WDR25: variants seen among roughly 807,000 people sequenced by gnomAD.
WDR25 encodes the protein WD repeat domain 25, also known as WD repeat-containing protein 25.
A neutral mutation model predicts 47.7 loss-of-function variants in WDR25; 35 were observed. That is an observed-to-expected ratio of 0.73 (90% CI 0.56 to 0.97). The LOEUF is 0.97. Ranked by LOEUF, WDR25 falls within the 50% of genes least tolerant of loss-of-function variation. The pLI is 0.00. For synonymous variants in WDR25, 248 were observed against 278.9 expected (o/e 0.89, Z 1.10); for missense variants, 634 against 704.7 (o/e 0.90, Z 1.14).
chr14:100,520,062 G>A (rs916406623), intron 4 of WDR25, among the ~76,000 whole-genome samples: 10 of 119,972 alleles, frequency 8.3e-5, no homozygotes, highest in Admixed American at 1.8e-4. Context: ...ATGTACATAT[G>A]TGTGTGTGTG....
In WDR25 at chr14:100,529,762, C is replaced by A; in HGVS notation, c.1414-58C>A. The A allele has an allele frequency of 6.4e-7, 1 of 1,553,484 alleles. No homozygotes were observed. Among genetic ancestry groups the A allele is most frequent in the Non-Finnish European group, 8.7e-7 (1 of 1,143,850 alleles). ...TCAGCCTGCTCCTCTGTAGAATGGG[C>A]ATACTCACCCCGGCTTGACAGGTGC... is the stretch of plus-strand genomic sequence containing the variant. On this transcript the variant is annotated intron_variant, in intron 6 of 6. Transcript: ENST00000402312. The surrounding 1 kb of genome is among the most constrained non-coding windows in gnomAD (Gnocchi z 5.1).
chr14:100,477,801 C>G (rs1393866931), intron 3 of WDR25, among the ~76,000 whole-genome samples: 1 of 152,188 alleles, frequency 6.6e-6, no homozygotes, highest in Non-Finnish European at 1.5e-5. Flanking sequence ...ATTTAAAAAC[C>G]TGTATCCCAG....
chr14:100,381,860 G>T, intron 2 of WDR25, 114 bp downstream of exon 2: 1 of 877,414 alleles, frequency 1.1e-6, no homozygotes, highest in Non-Finnish European at 1.7e-6. Context: ...GCAGATTTCT[G>T]TAATTCCCTT....
At chr14:100,481,103 CAAAAAAAAAAAAA>C (rs71113268) in intron 3 of WDR25, 24 of 248,194 alleles carry the variant, frequency 9.7e-5, no homozygotes, top group East Asian at 2.5e-4. Flanking sequence ...CAAAAAAGTG[CAAAAAAAAAAAAA>C]AAAAAAAAAA....
rs185116110 is a variant in WDR25 at position 100,428,470 on chromosome 14, C to T, written c.823-39551C>T. ...AGCCTTTCTGGGCCTCAGCGTCCTC[C>T]TCTGTGGATGGGGGACAGTGCCTGA... On this transcript the variant is annotated intron_variant, in intron 2 of 6. Coordinates refer to ENST00000402312, the MANE Select transcript of WDR25 (RefSeq NM_001161476.3). The surrounding 1 kb of genome is among the most constrained non-coding windows in gnomAD (Gnocchi z 4.3). 1.5e-3 allele frequency among the ~76,000 whole-genome samples: 224 copies of T among 152,306 alleles called. No homozygotes were observed. Among genetic ancestry groups the T allele is most frequent in the African/African-American group, 5.3e-3 (219 of 41,574 alleles).
intron 5 of WDR25, among the ~76,000 whole-genome samples, chr14:100,526,304 T>A (rs894336720): frequency 2.0e-5 from 3 of 152,092 alleles, no homozygotes; most frequent in Admixed American, 2.0e-4. Context: ...TCAGTCCAGA[T>A]CAATGGGGAA....
rs1016316910 is a variant in WDR25, at chr14:100,424,395, C to T, written c.822+42649C>T. The stretch of plus-strand genomic sequence containing the variant: ...ATCAGCACCTGTTATCCTAATTAAA[C>T]CTCAGACCTTGTTTGCATGTTAAGA... On this transcript the variant is annotated intron_variant, in intron 2 of 6. Coordinates refer to ENST00000402312, the MANE Select transcript of WDR25 (RefSeq NM_001161476.3). This position sits in a 1 kb window ranked among gnomAD's most constrained non-coding sequence, Gnocchi z 4.2. Among the ~76,000 whole-genome samples the T allele has an allele frequency of 3.3e-5, 5 of 152,242 alleles. No individual in the cohort carries two copies. The highest frequency in any genetic ancestry group is 5.9e-5 in the Non-Finnish European group (4 of 68,046).
At chr14:100,446,975 A>G (rs1898856523) in intron 2 of WDR25, among the ~76,000 whole-genome samples, 1 of 152,234 alleles carries the variant, frequency 6.6e-6, no homozygotes, top group Non-Finnish European at 1.5e-5. Flanking sequence ...ATCCCATCAC[A>G]TGATTCTTCT....
chr14:100,508,303 C>T (rs1036511112), intron 4 of WDR25, among the ~76,000 whole-genome samples: 9 of 152,102 alleles, frequency 5.9e-5, no homozygotes, highest in African/African-American at 1.9e-4. Flanking sequence ...TATGACAAAC[C>T]CACAGCCAAC....
intron 1 of WDR25, among the ~76,000 whole-genome samples, chr14:100,378,242 T>C (rs1031767618): frequency 4.6e-5 from 7 of 152,038 alleles, no homozygotes; most frequent in Non-Finnish European, 1.0e-4. Flanking sequence ...CGATCTTGGC[T>C]CACTGCAACC....
chr14:100,526,233 C>T (rs947633758), intron 5 of WDR25, among the ~76,000 whole-genome samples, 193 bp downstream of exon 5: 1 of 152,182 alleles, frequency 6.6e-6, no homozygotes, highest in African/African-American at 2.4e-5. Flanking sequence ...ATGCAACCTC[C>T]TTCTGCTCTT....
chr14:100,378,733 C>T (rs1178568661), intron 1 of WDR25, among the ~76,000 whole-genome samples: 3 of 25,378 alleles, frequency 1.2e-4, no homozygotes, highest in Non-Finnish European at 4.5e-4. Flanking sequence ...CCGAGGCGGG[C>T]GGATCACGAG....
chr14:100,386,621 C>T (rs528138299), intron 2 of WDR25, among the ~76,000 whole-genome samples: 9 of 152,194 alleles, frequency 5.9e-5, no homozygotes, highest in East Asian at 1.9e-4. Context: ...AGGCCAGGCG[C>T]GGTGGCTCAT....
rs117666467 is a variant in WDR25 at position 100,416,900 on chromosome 14, C to T, written c.822+35154C>T. ...ACAGTCATGAGGTACTTGATTTGAA[C>T]TGAGGAGAAAATGTGTCAATACCTT... is the stretch of plus-strand genomic sequence containing the variant. On this transcript the variant is annotated intron_variant, in intron 2 of 6. Transcript: ENST00000402312. 8.5e-3 allele frequency among the ~76,000 whole-genome samples: 1,302 copies of T among 152,338 alleles called. 14 individuals are homozygous for T. The highest frequency in any genetic ancestry group is 0.015 in the South Asian group (73 of 4,832).
chr14:100,379,077 CATGG>C (rs1896805740), intron 1 of WDR25, among the ~76,000 whole-genome samples: 1 of 151,436 alleles, frequency 6.6e-6, no homozygotes, highest in Admixed American at 6.6e-5. Flanking sequence ...CCTTTCCCAC[CATGG>C]ATCCTGGACG....
rs182440002 is a variant in WDR25, at chr14:100,503,336, C to A, written c.1101+19212C>A. ...AGGGAAAGGTGTCCTCCCCCTGCCC[C>A]CCGCATGTGGTTATTAAAGCGCGCC... On this transcript the variant is annotated intron_variant, in intron 4 of 6. Transcript: ENST00000402312. 8.5e-5 allele frequency among the ~76,000 whole-genome samples: 13 copies of A among 152,210 alleles called. No individual in the cohort carries two copies. The East Asian group carries it at 2.3e-3, about 27-fold the overall frequency.
At position 100,440,744 on chromosome 14, in the gene WDR25, A is replaced by G. The variant is rs530244485; in HGVS notation, c.823-27277A>G. ...CAGGTCAGGATTATTTGGGAGATCC[A>G]TATTACTTCTGATTATTTACGAAGG... On this transcript the variant is annotated intron_variant, in intron 2 of 6. Transcript: ENST00000402312. The surrounding 1 kb of genome is among the most constrained non-coding windows in gnomAD (Gnocchi z 4.4). Among the ~76,000 whole-genome samples the G allele has an allele frequency of 3.3e-5, 5 of 152,316 alleles. No homozygotes were observed. Among genetic ancestry groups the G allele is most frequent in the African/African-American group, 1.2e-4 (5 of 41,562 alleles).
chr14:100,384,114 T>G (rs1276988774), intron 2 of WDR25, among the ~76,000 whole-genome samples: 1 of 151,666 alleles, frequency 6.6e-6, no homozygotes, highest in Non-Finnish European at 1.5e-5. Context: ...CACTGCACTG[T>G]GCACCCTGGG....
At position 100,404,617 on chromosome 14, in the gene WDR25, G is replaced by C. The variant is rs548971388; in HGVS notation, c.822+22871G>C. Among the ~76,000 whole-genome samples, 1 of 152,192 alleles carries C rather than the reference G, an allele frequency of 6.6e-6. No homozygotes were observed. Among genetic ancestry groups the C allele is most frequent in the Non-Finnish European group, 1.5e-5 (1 of 68,026 alleles). On this transcript the variant is annotated intron_variant, in intron 2 of 6. Coordinates refer to ENST00000402312, the MANE Select transcript of WDR25 (RefSeq NM_001161476.3). This position sits in a 1 kb window ranked among gnomAD's most constrained non-coding sequence, Gnocchi z 4.6. ...CTTATCTCTGTAGTGCTTCCTCCCAGGCATAGGGTCCGCTGGAGGCCTGGC... is the reference window on the plus strand; with the variant it reads ...CTTATCTCTGTAGTGCTTCCTCCCACGCATAGGGTCCGCTGGAGGCCTGGC...
Sources: allele counts gnomAD v4.1 joint callset (sites outside exome capture counted in the v4.1 genomes callset), GRCh38; gene constraint gnomAD v4.1.1; non-coding constraint Gnocchi (gnomAD v3.1); transcripts MANE v1.5; gene names NCBI Gene and HGNC (gene_info 2026-07-23, HGNC 2026-07-21).